The following TESK2 variants were observed in gnomAD, a reference collection of about 807,000 sequenced individuals.
TESK2 encodes testis associated actin remodelling kinase 2.
Under a neutral mutation model 57.1 loss-of-function variants are expected in TESK2, and 39 were observed. The observed-to-expected ratio is 0.68, with a 90% CI of 0.53 to 0.89. TESK2 has a LOEUF of 0.89. Among genes scored for constraint, TESK2 ranks in the 40% least tolerant of loss-of-function variants. The pLI, the probability that TESK2 is intolerant of heterozygous loss-of-function variation, is 0.00. For synonymous variants in TESK2, 249 were observed against 267.9 expected (o/e 0.93, Z 0.69); for missense variants, 646 against 732.1 (o/e 0.88, Z 1.36).
At chr1:45,399,356 C>T (rs1649504376) in intron 3 of TESK2, among the ~76,000 whole-genome samples, 1 of 151,556 alleles carries the variant, frequency 6.6e-6, no homozygotes, top group Non-Finnish European at 1.5e-5. Flanking sequence ...CTCTTGTTAC[C>T]CAGGCTAGAG....
chr1:45,386,431 C>G (rs1570676222), intron 3 of TESK2, among the ~76,000 whole-genome samples: 1 of 140,526 alleles, frequency 7.1e-6, no homozygotes, highest in Non-Finnish European at 1.5e-5. Flanking sequence ...AAGGGAAAGG[C>G]AAAGAGAAAG....
chr1:45,368,117 C>G (rs919462299), intron 4 of TESK2, among the ~76,000 whole-genome samples: 6 of 151,288 alleles, frequency 4.0e-5, no homozygotes, highest in Non-Finnish European at 7.4e-5. Context: ...GCCTCAGCCT[C>G]CCGAGTAGCT....
At chr1:45,431,001 A>C (rs1650926109) in intron 2 of TESK2, among the ~76,000 whole-genome samples, 1 of 152,248 alleles carries the variant, frequency 6.6e-6, no homozygotes, top group Admixed American at 6.5e-5. Context: ...ACTGAAAAGT[A>C]AGCAGATTAA....
In TESK2 at chr1:45,347,988, T is replaced by A. The variant is rs1315447230; in HGVS notation, c.553A>T (p.Lys185Ter). Residue 185 changes from lysine to a stop codon, truncating the protein, a stop_gained, in exon 6 of 11, where the codon AAG becomes TAG. Coordinates refer to ENST00000372086, the MANE Select transcript of TESK2 (RefSeq NM_007170.3). LOFTEE classifies it high-confidence loss of function. The part of the protein sequence containing the change: ...RDLTSKNCLI[K>*]RDENGYSAVV... ...GCAGAGTAACCATTCTCATCCCTCT[T>A]TATCAGGCAGTTCTAGGGTTCCCAG... is the stretch of plus-strand genomic sequence containing the variant. 6.2e-7 allele frequency: 1 copy of A among 1,612,660 alleles called. No individual in the cohort carries two copies. Among genetic ancestry groups the A allele is most frequent in the Non-Finnish European group, 8.5e-7 (1 of 1,178,758 alleles).
chr1:45,364,099 C>G (rs959952966), intron 4 of TESK2, among the ~76,000 whole-genome samples: 1 of 152,118 alleles, frequency 6.6e-6, no homozygotes, highest in Non-Finnish European at 1.5e-5. Context: ...CAGCAGACCA[C>G]AGGGGCCACT....
intron 5 of TESK2, among the ~76,000 whole-genome samples, chr1:45,353,730 CCTT>C (rs1647296840): frequency 6.6e-6 from 1 of 152,148 alleles, no homozygotes; most frequent in Non-Finnish European, 1.5e-5. Context: ...TGTTAGATTG[CCTT>C]ATAGTTCCCC....
intron 7 of TESK2, 133 bp from the exon 8 acceptor site, chr1:45,347,195 G>T: frequency 1.4e-6 from 1 of 698,220 alleles, no homozygotes; most frequent in Non-Finnish European, 2.5e-6. Flanking sequence ...CTTCATCCCA[G>T]TCAGTCACTG....
intron 4 of TESK2, among the ~76,000 whole-genome samples, chr1:45,377,213 A>T (rs72892506): frequency 0.051 from 7,679 of 151,898 alleles, 692 homozygotes; most frequent in African/African-American, 0.18. Flanking sequence ...GAGCAGCAAG[A>T]CCTTGTCTCT....
intron 1 of TESK2, among the ~76,000 whole-genome samples, chr1:45,480,420 T>TGC (rs1221285792): frequency 6.8e-6 from 1 of 146,644 alleles, no homozygotes; most frequent in Non-Finnish European, 1.5e-5. Flanking sequence ...ATTGCGCCAC[T>TGC]GCACTCCAGT....
intron 2 of TESK2, among the ~76,000 whole-genome samples, chr1:45,433,065 CTTTTTTTTTT>C (rs150419974): frequency 2.3e-5 from 1 of 43,610 alleles, no homozygotes; most frequent in African/African-American, 1.1e-4. Context: ...CGCCCAGCCG[CTTTTTTTTTT>C]TTTTTTTTTT....
chr1:45,372,839 C>T lies in TESK2; in HGVS notation c.393+13073G>A, dbSNP rs80051954. On this transcript the variant is annotated intron_variant, in intron 4 of 10. Coordinates refer to ENST00000372086, the MANE Select transcript of TESK2 (RefSeq NM_007170.3). Reference sequence around the variant, plus strand: ...GGATCATCTGGAGTTCGAGACCAGCCTCAACATGGAGAAACCCCATCTCTA... The same window carrying T: ...GGATCATCTGGAGTTCGAGACCAGCTTCAACATGGAGAAACCCCATCTCTA... Among the ~76,000 whole-genome samples, 113 of 151,428 alleles carry T rather than the reference C, an allele frequency of 7.5e-4. No homozygotes were observed. The East Asian group carries it at 0.013, about 18-fold the overall frequency.
At chr1:45,386,836 T>C (rs112541991) in intron 3 of TESK2, among the ~76,000 whole-genome samples, 7,607 of 152,112 alleles carry the variant, frequency 0.05, 697 homozygotes, top group African/African-American at 0.17. Context: ...GTATTTTTAG[T>C]AGAGACGGGG....
intron 4 of TESK2, among the ~76,000 whole-genome samples, 198 bp downstream of exon 4, chr1:45,385,714 A>G (rs1042673318): frequency 3.5e-5 from 5 of 143,888 alleles, no homozygotes; most frequent in African/African-American, 1.4e-4. Flanking sequence ...GTGTGTGTAT[A>G]TATATATATA....
intron 1 of TESK2, among the ~76,000 whole-genome samples, chr1:45,489,426 G>A (rs1306880683): frequency 6.6e-6 from 1 of 152,094 alleles, no homozygotes; most frequent in African/African-American, 2.4e-5. Context: ...CCAAATTTAT[G>A]TATCCAGGTC....
At chr1:45,433,950 G>GC (rs1651083345) in intron 2 of TESK2, among the ~76,000 whole-genome samples, 1 of 151,372 alleles carries the variant, frequency 6.6e-6, no homozygotes, top group South Asian at 2.1e-4. Flanking sequence ...GATCTGGTTT[G>GC]TTTTTTGTTT....
intron 3 of TESK2, among the ~76,000 whole-genome samples, chr1:45,391,018 T>C (rs1570681043): frequency 6.6e-6 from 1 of 151,262 alleles, no homozygotes; most frequent in South Asian, 2.1e-4. Flanking sequence ...CCCGGGTTCA[T>C]GCCATTCTCC....
At chr1:45,411,612 A>G (rs1353045852) in intron 3 of TESK2, among the ~76,000 whole-genome samples, 2 of 152,096 alleles carry the variant, frequency 1.3e-5, no homozygotes, top group African/African-American at 2.4e-5. Flanking sequence ...CTCCTGCTGT[A>G]GCCCTACACA....
At chr1:45,410,482 G>A (rs1409180992) in intron 3 of TESK2, among the ~76,000 whole-genome samples, 1 of 151,990 alleles carries the variant, frequency 6.6e-6, no homozygotes, top group Non-Finnish European at 1.5e-5. Context: ...GCGCGTGCCT[G>A]TAATCCCAGC....
chr1:45,363,231 C>T (rs1647768809), intron 4 of TESK2, among the ~76,000 whole-genome samples: 1 of 152,190 alleles, frequency 6.6e-6, no homozygotes, highest in Admixed American at 6.5e-5. Flanking sequence ...TCATTTTTTA[C>T]AACAGGTAGA....
Sources: gnomAD v4.1 joint callset for allele counts (sites outside exome capture counted in the v4.1 genomes callset) on GRCh38, gnomAD v4.1.1 for gene constraint, MANE v1.5 for transcripts, NCBI Gene and HGNC (gene_info 2026-07-23, HGNC 2026-07-21) for gene names.